NEK3: variants seen among roughly 807,000 people sequenced by gnomAD.
NEK3 encodes the protein serine/threonine-protein kinase Nek3.
NEK3 carries 54 observed loss-of-function variants against 66.0 expected under a neutral mutation model. The observed-to-expected ratio is 0.82, with a 90% CI of 0.66 to 1.03. The LOEUF is 1.03. Ranked by LOEUF, NEK3 falls within the 50% of genes least tolerant of loss-of-function variation. The probability of loss-of-function intolerance (pLI) is 0.00; values close to 1 mark genes in which losing one functional copy is unlikely to be tolerated. For missense variants in NEK3, 593 were observed against 603.0 expected (o/e 0.98, Z 0.17); for synonymous variants, 200 against 206.2 (o/e 0.97, Z 0.26).
chr13:52,146,203 T>G (rs555459748), intron 8 of NEK3, among the ~76,000 whole-genome samples: 1 of 152,350 alleles, frequency 6.6e-6, no homozygotes, highest in African/African-American at 2.4e-5. Flanking sequence ...TTTTGTATTA[T>G]CTTTGTAATT....
chr13:52,153,684 A>G (rs551745351), intron 4 of NEK3, among the ~76,000 whole-genome samples: 1 of 152,318 alleles, frequency 6.6e-6, no homozygotes, highest in East Asian at 1.9e-4. Flanking sequence ...ATTTCATAAT[A>G]ATTTATAACC....
At chr13:52,156,704 C>T (rs1956399241) in intron 1 of NEK3, 1 of 152,454 alleles carries the variant, frequency 6.6e-6, no homozygotes, top group African/African-American at 2.4e-5. Context: ...TAATTTATCA[C>T]TCTTTGTTAA....
rs939830871 is a variant in NEK3, at chr13:52,133,213, C to A, written c.1450G>T (p.Glu484Ter). The change falls in exon 16 of 16, where the codon GAA (glutamate) becomes TAA (stop). Residue 484 changes from glutamate (E) to a stop codon, truncating the protein, a stop_gained. Coordinates refer to ENST00000610828, the MANE Select transcript of NEK3 (RefSeq NM_002498.3). LOFTEE classifies it low-confidence loss of function (END_TRUNC). ...LDEEDTDFEE[E>*]DDNPDWVSEL... The stretch of plus-strand genomic sequence containing the variant: ...GACACCCAGTCGGGGTTGTCATCTT[C>A]CTCCTCAAAGTCCCTGTGAAAAAAC... The A allele has an allele frequency of 6.2e-7, 1 of 1,607,370 alleles. No homozygotes were observed. The highest frequency in any genetic ancestry group is 8.5e-7 in the Non-Finnish European group (1 of 1,177,008).
rs1361362780 is a variant in NEK3 at position 52,141,034 on chromosome 13, C to A, written c.913G>T (p.Glu305Ter). The A allele has an allele frequency of 1.3e-6, 2 of 1,599,090 alleles. No individual in the cohort carries two copies. The highest frequency in any genetic ancestry group is 2.2e-5 in the East Asian group (1 of 44,574). The part of the protein sequence containing the change: ...PSRIRIALGN[E>*]ASTVQEEEQD... ...AAAGCACTTACCACTGTGCTTGCTT[C>A]ATTTCCCAAAGCTATCCTGATTCTG... Residue 305 changes from glutamate (E) to a stop codon, truncating the protein, a stop_gained, in exon 11 of 16, where the codon GAA (glutamate) becomes TAA (stop). Coordinates refer to ENST00000610828, the MANE Select transcript of NEK3 (RefSeq NM_002498.3). LOFTEE classifies it high-confidence loss of function.
chr13:52,136,199 TC>T lies in NEK3; in HGVS notation c.1090del (p.Glu364ArgfsTer22), dbSNP rs1956204725. 1 of 1,613,698 alleles carries T rather than the reference TC, an allele frequency of 6.2e-7. No individual in the cohort carries two copies. Among genetic ancestry groups the T allele is most frequent in the African/African-American group, 1.3e-5 (1 of 74,934 alleles). ...AAGAGCTGTATTGGGTACATTTTTC[TC>T]CCACTGTCGTCTATGAAGATTTGGT... is the stretch of plus-strand genomic sequence containing the variant. ...SSPNLHRRQW[E>X]KNVPNTALTA... is the part of the protein sequence containing the mutation. On this transcript the variant is annotated frameshift_variant, in exon 13 of 16. Coordinates refer to ENST00000610828, the MANE Select transcript of NEK3 (RefSeq NM_002498.3). LOFTEE classifies it high-confidence loss of function.
intron 10 of NEK3, among the ~76,000 whole-genome samples, chr13:52,141,931 A>C (rs967588200): frequency 6.6e-5 from 10 of 151,376 alleles, no homozygotes; most frequent in Non-Finnish European, 1.5e-4. Flanking sequence ...AAAAAAAAAA[A>C]AAAAAATTAG....
At chr13:52,137,035 C>T in intron 11 of NEK3, 133 bp from the exon 12 acceptor site, 1 of 550,104 alleles carries the variant, frequency 1.8e-6, no homozygotes, top group Non-Finnish European at 3.1e-6. Context: ...ATCATAGAAC[C>T]CCAAGGACAT....
At chr13:52,133,601 T>C (rs1035968703) in intron 15 of NEK3, 88 bp downstream of exon 15, 33 of 1,427,306 alleles carry the variant, frequency 2.3e-5, no homozygotes, top group Admixed American at 7.8e-5. Flanking sequence ...GAAATTATCA[T>C]GGTCTAATTT....
At chr13:52,153,729 C>A (rs991920894) in intron 4 of NEK3, among the ~76,000 whole-genome samples, 166 bp downstream of exon 4, 1 of 152,034 alleles carries the variant, frequency 6.6e-6, no homozygotes, top group Non-Finnish European at 1.5e-5. Context: ...TTTCAGGCAG[C>A]CATATCCTGA....
At chr13:52,148,337 C>T (rs1454250105) in intron 8 of NEK3, 78 bp downstream of exon 8, 9 of 1,376,958 alleles carry the variant, frequency 6.5e-6, no homozygotes, top group African/African-American at 1.4e-5. Flanking sequence ...AAGCAAACTG[C>T]CAACTAGAAT....
At chr13:52,147,392 G>A (rs1293989076) in intron 8 of NEK3, among the ~76,000 whole-genome samples, 1 of 152,142 alleles carries the variant, frequency 6.6e-6, no homozygotes, top group Non-Finnish European at 1.5e-5. Context: ...CTCAACAGAT[G>A]AATGGATAAA....
intron 7 of NEK3, among the ~76,000 whole-genome samples, chr13:52,149,866 CT>C (rs1183789370): frequency 4.2e-5 from 4 of 96,194 alleles, no homozygotes; most frequent in Non-Finnish European, 7.9e-5. Context: ...GAGACTCTGT[CT>C]CAAAAAAAAA....
In NEK3 at chr13:52,153,972, C is replaced by T; in HGVS notation, c.232G>A (p.Val78Met). The T allele has an allele frequency of 1.2e-6, 2 of 1,612,912 alleles. No homozygotes were observed. Among genetic ancestry groups the T allele is most frequent in the African/African-American group, 1.3e-5 (1 of 75,006 alleles). The change falls in exon 4 of 16, where the codon GTG (valine) becomes ATG (methionine). Residue 78 changes from valine to methionine, a missense_variant. Coordinates refer to ENST00000610828, the MANE Select transcript of NEK3 (RefSeq NM_002498.3). ...TCCCCTCCATCACAGTATTCCATCACAATATACAAGTGTCCTTCAGCTAAA... is the reference window on the plus strand; with the variant it reads ...TCCCCTCCATCACAGTATTCCATCATAATATACAAGTGTCCTTCAGCTAAA... The part of the protein sequence containing the change: ...SFEAEGHLYI[V>M]MEYCDGGDLM...
At chr13:52,134,719 A>T (rs879374365) in intron 14 of NEK3, among the ~76,000 whole-genome samples, 1 of 152,230 alleles carries the variant, frequency 6.6e-6, no homozygotes, top group Non-Finnish European at 1.5e-5. Flanking sequence ...TCCAGGACCT[A>T]AAATTGCAAA....
intron 8 of NEK3, 100 bp from the exon 9 acceptor site, chr13:52,144,991 G>T: frequency 2.6e-6 from 2 of 782,272 alleles, no homozygotes; most frequent in Non-Finnish European, 2.1e-6. Flanking sequence ...AAACATATCT[G>T]CTGTCTGGTC....
At chr13:52,151,073 A>G in intron 7 of NEK3, 73 bp downstream of exon 7, 6 of 1,158,216 alleles carry the variant, frequency 5.2e-6, no homozygotes, top group Non-Finnish European at 7.6e-6. Context: ...GTGACGTCAG[A>G]CTCTAGCATC....
chr13:52,134,047 T>C (rs564713320), intron 14 of NEK3, among the ~76,000 whole-genome samples: 1 of 152,152 alleles, frequency 6.6e-6, no homozygotes, highest in African/African-American at 2.4e-5. Context: ...TTCTTTTTTT[T>C]TGAGTCAGGG....
rs369746180 is a variant in NEK3 at position 52,135,733 on chromosome 13, T to C, written c.1305A>G (p.Arg435=). Reference sequence around the variant, plus strand: ...TCACATACAGACATGAATTACCTGGTCTATATATTGTGTATGTTTGAAAAG... The same window carrying C: ...TCACATACAGACATGAATTACCTGGCCTATATATTGTGTATGTTTGAAAAG... ...SLAFQTYTIY[R]PGSEGFLKGP... is the part of the protein sequence containing the mutation. The change falls in exon 14 of 16, where the codon AGA becomes AGG. Residue 435 remains arginine, a synonymous_variant. Coordinates refer to ENST00000610828, the MANE Select transcript of NEK3 (RefSeq NM_002498.3). 2.5e-6 allele frequency: 4 copies of C among 1,611,604 alleles called. No homozygotes were observed. Among genetic ancestry groups the C allele is most frequent in the Non-Finnish European group, 3.4e-6 (4 of 1,179,012 alleles).
rs530560504 is a variant in NEK3 at position 52,145,519 on chromosome 13, C to T, written c.604-628G>A. The stretch of plus-strand genomic sequence containing the variant: ...TTAGACGCAGGGTCTTGCTATGTTG[C>T]CCAGGCTAGTCTTGAACTCCTGGGC... On this transcript the variant is annotated intron_variant, in intron 8 of 15. Coordinates refer to ENST00000610828, the MANE Select transcript of NEK3 (RefSeq NM_002498.3). 2.0e-5 allele frequency among the ~76,000 whole-genome samples: 3 copies of T among 152,102 alleles called. No homozygotes were observed. In the South Asian group the frequency reaches 6.2e-4, roughly 32 times the overall value.
Sources: allele counts gnomAD v4.1 joint callset (sites outside exome capture counted in the v4.1 genomes callset), GRCh38; gene constraint gnomAD v4.1.1; transcripts MANE v1.5; gene names NCBI Gene and HGNC (gene_info 2026-07-23, HGNC 2026-07-21).